The following MYO5A variants were observed in gnomAD, a reference collection of about 807,000 sequenced individuals.
MYO5A encodes the protein unconventional myosin-Va.
MYO5A carries 98 observed loss-of-function variants against 249.7 expected under a neutral mutation model. The ratio of observed to expected loss-of-function variants is 0.39; its 90% CI spans 0.33 to 0.46. MYO5A has a LOEUF of 0.46. MYO5A is among the 20% of genes least tolerant of loss of function. The pLI is 0.98. For missense variants in MYO5A, 1,696 were observed against 2,308.8 expected (o/e 0.73, Z 5.44); for synonymous variants, 778 against 810.6 (o/e 0.96, Z 0.68).
intron 10 of MYO5A, among the ~76,000 whole-genome samples, chr15:52,396,839 G>A (rs2042510266): frequency 6.6e-6 from 1 of 152,056 alleles, no homozygotes; most frequent in South Asian, 2.1e-4. Flanking sequence ...TATGAAACAG[G>A]CACAAATATG....
chr15:52,519,976 G>A (rs575876020), intron 1 of MYO5A, among the ~76,000 whole-genome samples: 4 of 152,192 alleles, frequency 2.6e-5, no homozygotes, highest in East Asian at 1.9e-4. Context: ...TGATCCGCCC[G>A]CCTTGGCCTC....
chr15:52,476,247 A>G (rs1398159057), intron 1 of MYO5A, among the ~76,000 whole-genome samples: 2 of 151,928 alleles, frequency 1.3e-5, no homozygotes, highest in African/African-American at 4.8e-5. Flanking sequence ...TTTGCTTGGT[A>G]GATCTTCCTC....
Position 52,384,234 on chromosome 15 carries a change from C to T in MYO5A, c.1841G>A (p.Arg614Gln), listed in dbSNP as rs751663129. The T allele has an allele frequency of 5.0e-6, 8 of 1,614,132 alleles. No homozygotes were observed. The East Asian group carries it at 1.3e-4, about 27-fold the overall frequency. Reference protein sequence around the residue: ...ATSSGRTPLTRTPAKPTKGRP... With the variant: ...ATSSGRTPLTQTPAKPTKGRP... ...GCCTTTGGTGGGCTTTGCAGGAGTT[C>T]GTGTGAGGGGTGTGCGCCCTGAGGA... Residue 614 changes from arginine (R) to glutamine (Q), a missense_variant, in exon 15 of 42, where the codon CGA (arginine) becomes CAA (glutamine). Physicochemically the swap from Arg to Gln is conservative, Grantham distance 43. Around this residue, in one of 5 missense-constraint regions of MYO5A, gnomAD observed 277 missense variants for 422.4 expected, o/e 0.66. Transcript: ENST00000399233.
intron 1 of MYO5A, among the ~76,000 whole-genome samples, chr15:52,483,631 T>C (rs1186308145): frequency 6.6e-6 from 1 of 152,170 alleles, no homozygotes; most frequent in East Asian, 1.9e-4. Context: ...TTCCAATCCA[T>C]AATTTGGAAA....
At chr15:52,523,391 T>A (rs2077663146) in intron 1 of MYO5A, among the ~76,000 whole-genome samples, 1 of 152,234 alleles carries the variant, frequency 6.6e-6, no homozygotes, top group Non-Finnish European at 1.5e-5. Context: ...AGTGGACTGA[T>A]CATGCCAAAC....
At chr15:52,507,268 G>C (rs1310140366) in intron 1 of MYO5A, among the ~76,000 whole-genome samples, 1 of 152,178 alleles carries the variant, frequency 6.6e-6, no homozygotes, top group African/African-American at 2.4e-5. Context: ...AATTACAACT[G>C]GGTGCAGTAC....
chr15:52,403,673 C>T (rs1309160033), intron 9 of MYO5A, among the ~76,000 whole-genome samples: 1 of 152,176 alleles, frequency 6.6e-6, no homozygotes, highest in East Asian at 1.9e-4. Flanking sequence ...CTTAATGGTA[C>T]ACTTTAAATG....
At chr15:52,474,839 C>T (rs1284907946) in intron 1 of MYO5A, among the ~76,000 whole-genome samples, 2 of 151,400 alleles carry the variant, frequency 1.3e-5, no homozygotes, top group East Asian at 1.9e-4. Context: ...GGGATATTGG[C>T]CTAAAATTCT....
chr15:52,354,198 C>T lies in MYO5A; in HGVS notation c.3424-184G>A, dbSNP rs1249157367. ...AATGAGAGAAATGCAAATTAAACAA[C>T]AATGAGCTGCTACTTCTCCCCTATC... On this transcript the variant is annotated intron_variant, in intron 25 of 41. Transcript: ENST00000399233. Among the ~76,000 whole-genome samples the T allele has an allele frequency of 3.9e-5, 6 of 152,196 alleles. No individual in the cohort carries two copies. The East Asian group carries it at 1.2e-3, about 29-fold the overall frequency.
At chr15:52,387,715 T>C (rs1233764053) in intron 14 of MYO5A, 114 bp downstream of exon 14, 6 of 799,310 alleles carry the variant, frequency 7.5e-6, no homozygotes, top group Middle Eastern at 3.4e-4. Context: ...CTAAGTGTTA[T>C]ATATTTGGTA....
intron 1 of MYO5A, chr15:52,505,495 C>A: frequency 8.3e-7 from 1 of 1,210,200 alleles, no homozygotes; most frequent in Non-Finnish European, 1.2e-6. Flanking sequence ...TGACATTGAT[C>A]TCTCTGGATC....
intron 13 of MYO5A, among the ~76,000 whole-genome samples, chr15:52,388,720 T>C (rs187592304): frequency 7.9e-5 from 12 of 152,322 alleles, no homozygotes; most frequent in African/African-American, 2.6e-4. Context: ...AGTGAATCAA[T>C]TGCAGAGGGT....
intron 16 of MYO5A, among the ~76,000 whole-genome samples, 143 bp downstream of exon 16, chr15:52,382,925 CTGAAAAAATAATCTACTGACTAG>C (rs1237262390): frequency 6.6e-6 from 1 of 152,286 alleles, no homozygotes; most frequent in South Asian, 2.1e-4. Flanking sequence ...GGGACAAAAA[CTGAAAAAATAATCTACTGACTAG>C]TGGTTTCCCT....
intron 1 of MYO5A, among the ~76,000 whole-genome samples, chr15:52,526,617 A>G (rs1425360446): frequency 3.3e-5 from 5 of 152,128 alleles, no homozygotes; most frequent in African/African-American, 1.2e-4. Flanking sequence ...CACCTCGGCA[A>G]CGTGTTGGGA....
chr15:52,332,699 C>T (rs2038944685), intron 34 of MYO5A, among the ~76,000 whole-genome samples: 1 of 152,200 alleles, frequency 6.6e-6, no homozygotes, highest in South Asian at 2.1e-4. Context: ...CACAGTGACT[C>T]ACACCTATAA....
chr15:52,389,047 T>C lies in MYO5A; in HGVS notation c.1668+191A>G, dbSNP rs371836908. On this transcript the variant is annotated intron_variant, in intron 13 of 41. Transcript: ENST00000399233. ...CCTGGATTTCAGAATTATAGAACCA[T>C]ACTTATTTCACAAATAACTCAATTT... is the stretch of plus-strand genomic sequence containing the variant. 1.1e-4 allele frequency among the ~76,000 whole-genome samples: 17 copies of C among 152,016 alleles called. 1 individual carries two copies. In the East Asian group the frequency reaches 3.3e-3, roughly 29 times the overall value.
At chr15:52,443,707 C>CAAA (rs72495071) in intron 1 of MYO5A, among the ~76,000 whole-genome samples, 1 of 82,150 alleles carries the variant, frequency 1.2e-5, no homozygotes, top group Non-Finnish European at 2.5e-5. Context: ...GACTCCATCT[C>CAAA]AAAAAAAAAA....
chr15:52,351,535 G>A lies in MYO5A; in HGVS notation c.3622-54C>T, dbSNP rs556400907. ...TGCTGTCATCCTCAACTTTACGTTGGATGCTCAAACTTCTCCCAAGCTGGT... is the reference window on the plus strand; with the variant it reads ...TGCTGTCATCCTCAACTTTACGTTGAATGCTCAAACTTCTCCCAAGCTGGT... On this transcript the variant is annotated intron_variant, in intron 27 of 41. Coordinates refer to ENST00000399233, the MANE Select transcript of MYO5A (RefSeq NM_001382347.1). 18 of 1,535,052 alleles carry A rather than the reference G, an allele frequency of 1.2e-5. No individual in the cohort carries two copies. In the African/African-American group the frequency reaches 2.2e-4, roughly 19 times the overall value.
chr15:52,490,148 A>C (rs140741791), intron 1 of MYO5A, among the ~76,000 whole-genome samples: 42 of 152,326 alleles, frequency 2.8e-4, no homozygotes, highest in African/African-American at 9.6e-4. Flanking sequence ...GTAATGTAAA[A>C]TGGTGCAGCC....
Sources: allele counts gnomAD v4.1 joint callset (sites outside exome capture counted in the v4.1 genomes callset), GRCh38; gene constraint gnomAD v4.1.1; regional missense constraint gnomAD v4.1.1; transcripts MANE v1.5; gene names NCBI Gene and HGNC (gene_info 2026-07-23, HGNC 2026-07-21).